The following LGR6 variants were observed in gnomAD, a reference collection of about 807,000 sequenced individuals.
The protein encoded by LGR6 is leucine-rich repeat-containing G protein-coupled receptor 6.
Under a neutral mutation model 69.4 loss-of-function variants are expected in LGR6, and 45 were observed. The observed-to-expected ratio is 0.65, with a 90% confidence interval of 0.51 to 0.83. The LOEUF is 0.83. Ranked by LOEUF, LGR6 falls within the 40% of genes least tolerant of loss-of-function variation. The pLI is 0.00. For missense variants in LGR6, 1,108 were observed against 1,246.7 expected (o/e 0.89, Z 1.68); for synonymous variants, 538 against 555.0 (o/e 0.97, Z 0.43).
chr1:202,260,093 G>T (rs969314095), intron 4 of LGR6, among the ~76,000 whole-genome samples: 1 of 152,126 alleles, frequency 6.6e-6, no homozygotes, highest in Non-Finnish European at 1.5e-5. Context: ...CTGTCGTCCC[G>T]GCTGGAGTGT....
At chr1:202,308,022 G>C (rs1409435104) in intron 14 of LGR6, among the ~76,000 whole-genome samples, 1 of 152,164 alleles carries the variant, frequency 6.6e-6, no homozygotes, top group Non-Finnish European at 1.5e-5. Context: ...TTGCCAAGCT[G>C]GACTCCTAAA....
At chr1:202,257,004 A>G (rs1663828635) in intron 4 of LGR6, among the ~76,000 whole-genome samples, 1 of 152,084 alleles carries the variant, frequency 6.6e-6, no homozygotes, top group Non-Finnish European at 1.5e-5. Flanking sequence ...GGCCATTTGT[A>G]TATCTTGTTT....
intron 3 of LGR6, among the ~76,000 whole-genome samples, chr1:202,230,177 A>T (rs910553669): frequency 2.6e-5 from 4 of 152,012 alleles, no homozygotes; most frequent in African/African-American, 9.7e-5. Flanking sequence ...GAGGCAAAGG[A>T]TTAAATAAAG....
intron 1 of LGR6, among the ~76,000 whole-genome samples, chr1:202,205,120 A>AAC (rs745755551): frequency 7.4e-3 from 8 of 1,078 alleles, no homozygotes; most frequent in African/African-American, 9.1e-3. Context: ...ACACACACCT[A>AAC]ACACACCTCC....
chr1:202,271,040 A>T (rs1665053327), intron 4 of LGR6, among the ~76,000 whole-genome samples: 1 of 152,152 alleles, frequency 6.6e-6, no homozygotes, highest in South Asian at 2.1e-4. Context: ...TAAGAATTAT[A>T]ATCAGAAATC....
At chr1:202,296,597 C>T (rs1018263787) in intron 6 of LGR6, among the ~76,000 whole-genome samples, 1 of 152,208 alleles carries the variant, frequency 6.6e-6, no homozygotes, top group African/African-American at 2.4e-5. Context: ...TTGCCCTCGG[C>T]CTCTTCCATT....
At chr1:202,234,669 A>G (rs1260548787) in intron 3 of LGR6, among the ~76,000 whole-genome samples, 2 of 152,200 alleles carry the variant, frequency 1.3e-5, no homozygotes, top group Non-Finnish European at 2.9e-5. Flanking sequence ...GGATGATAAT[A>G]ATCCCTATCT....
chr1:202,216,236 C>T (rs552788209), intron 1 of LGR6, among the ~76,000 whole-genome samples: 24 of 152,216 alleles, frequency 1.6e-4, no homozygotes, highest in Admixed American at 8.5e-4. Context: ...GGTGGTGATG[C>T]TCAAAGGTAA....
In LGR6 at chr1:202,300,882, A is replaced by C; in HGVS notation, c.819A>C (p.Pro273=). 2 of 1,612,686 alleles carry C rather than the reference A, an allele frequency of 1.2e-6. No homozygotes were observed. The highest frequency in any genetic ancestry group is 1.7e-6 in the Non-Finnish European group (2 of 1,179,476). ...ATAACAACAACATCAAGGCCATCCC[A>C]GAAAAGGCCTTCATGGGGAACCCTC... ...GFHNNNIKAI[P]EKAFMGNPLL... Residue 273 remains proline, a synonymous_variant, in exon 8 of 18, where the codon CCA becomes CCC. Transcript: ENST00000367278.
At chr1:202,194,453 A>G (rs1463617291) in intron 1 of LGR6, 6 of 610,516 alleles carry the variant, frequency 9.8e-6, no homozygotes, top group Non-Finnish European at 1.8e-5. Context: ...TGGGCTGACT[A>G]TGGGAGCCCA....
chr1:202,260,372 C>T (rs978788180), intron 4 of LGR6, among the ~76,000 whole-genome samples: 1 of 152,024 alleles, frequency 6.6e-6, no homozygotes, highest in Non-Finnish European at 1.5e-5. Context: ...CTCGCTCTGT[C>T]GCCCAGGCTG....
chr1:202,218,175 T>G (rs1199110629), intron 1 of LGR6, among the ~76,000 whole-genome samples: 2 of 152,206 alleles, frequency 1.3e-5, no homozygotes, highest in African/African-American at 4.8e-5. Flanking sequence ...GAACTTGCCA[T>G]GTGTCCTTAG....
chr1:202,231,504 C>T (rs1295001584), intron 3 of LGR6, among the ~76,000 whole-genome samples: 2 of 152,186 alleles, frequency 1.3e-5, no homozygotes, highest in African/African-American at 2.4e-5. Context: ...CATGTGCAGT[C>T]AGAAGCCTTG....
At chr1:202,291,330 T>C (rs560551970) in intron 6 of LGR6, among the ~76,000 whole-genome samples, 73 of 152,308 alleles carry the variant, frequency 4.8e-4, no homozygotes, top group Non-Finnish European at 1.0e-3. Context: ...TATTAAGCCA[T>C]GGATGAGTTT....
intron 1 of LGR6, among the ~76,000 whole-genome samples, chr1:202,211,086 A>G (rs12033460): frequency 0.32 from 48,197 of 152,106 alleles, 8,607 homozygotes; most frequent in Non-Finnish European, 0.41. Context: ...GATCCAGGGA[A>G]CTGGGGCCAA....
At chr1:202,222,884 C>T (rs1314233857) in intron 1 of LGR6, among the ~76,000 whole-genome samples, 1 of 152,206 alleles carries the variant, frequency 6.6e-6, no homozygotes, top group Non-Finnish European at 1.5e-5. Flanking sequence ...AGGAGGATCA[C>T]TTGAGGTCAG....
At chr1:202,230,067 C>T (rs1198458729) in intron 3 of LGR6, among the ~76,000 whole-genome samples, 1 of 152,112 alleles carries the variant, frequency 6.6e-6, no homozygotes, top group Non-Finnish European at 1.5e-5. Context: ...TAGCTACTCC[C>T]CAGTCTTCTC....
At chr1:202,249,126 T>A (rs562493173) in intron 4 of LGR6, among the ~76,000 whole-genome samples, 1 of 152,280 alleles carries the variant, frequency 6.6e-6, no homozygotes, top group African/African-American at 2.4e-5. Flanking sequence ...CTTCGCTCTC[T>A]CCTCCCCTTC....
At chr1:202,259,071 A>G (rs996405066) in intron 4 of LGR6, among the ~76,000 whole-genome samples, 5 of 152,166 alleles carry the variant, frequency 3.3e-5, no homozygotes, top group African/African-American at 9.6e-5. Context: ...CCATTATACT[A>G]TAATAGAATT....
Sources: gnomAD v4.1 joint callset for allele counts (sites outside exome capture counted in the v4.1 genomes callset) on GRCh38, gnomAD v4.1.1 for gene constraint, MANE v1.5 for transcripts, NCBI Gene and HGNC (gene_info 2026-07-23, HGNC 2026-07-21) for gene names.